The following TRAF3 variants were observed in gnomAD, a reference collection of about 807,000 sequenced individuals.
The protein encoded by TRAF3 is TNF receptor associated factor 3.
Under a neutral mutation model 62.3 loss-of-function variants are expected in TRAF3, and 13 were observed. The observed-to-expected ratio is 0.21, with a 90% CI of 0.14 to 0.33. The LOEUF (loss-of-function observed/expected upper bound fraction) is 0.33. Among genes scored for constraint, TRAF3 ranks in the 10% least tolerant of loss-of-function variants. The pLI, the probability that TRAF3 is intolerant of heterozygous loss-of-function variation, is 1.00. For missense variants in TRAF3, 440 were observed against 741.8 expected (o/e 0.59, Z 4.73); for synonymous variants, 269 against 283.4 (o/e 0.95, Z 0.51).
intron 2 of TRAF3, among the ~76,000 whole-genome samples, chr14:102,850,394 G>A (rs1163879382): frequency 6.6e-6 from 1 of 152,082 alleles, no homozygotes; most frequent in African/African-American, 2.4e-5. Context: ...GCTTAAAGAA[G>A]ACTGCAGAAT....
intron 1 of TRAF3, among the ~76,000 whole-genome samples, chr14:102,801,940 C>T (rs80197081): frequency 2.0e-5 from 3 of 146,922 alleles, no homozygotes; most frequent in Non-Finnish European, 4.5e-5. Flanking sequence ...GGCGTGAACC[C>T]GGGAGGCGGA....
At chr14:102,897,075 G>A (rs1431900307) in intron 9 of TRAF3, among the ~76,000 whole-genome samples, 186 bp from the exon 10 acceptor site, 1 of 151,924 alleles carries the variant, frequency 6.6e-6, no homozygotes, top group African/African-American at 2.4e-5. Flanking sequence ...CCTGTCTCTA[G>A]AGGGGAAAAA....
At chr14:102,856,494 A>G (rs531794406) in intron 2 of TRAF3, among the ~76,000 whole-genome samples, 92 of 152,290 alleles carry the variant, frequency 6.0e-4, no homozygotes, top group African/African-American at 1.9e-3. Flanking sequence ...AATAGTAAGG[A>G]CAACCAGAGG....
intron 1 of TRAF3, among the ~76,000 whole-genome samples, chr14:102,814,530 T>A (rs954008995): frequency 1.3e-5 from 2 of 151,990 alleles, no homozygotes. Flanking sequence ...TTTCTTTTTT[T>A]CCCCCCCAAG....
intron 2 of TRAF3, among the ~76,000 whole-genome samples, chr14:102,852,954 C>G (rs1030788445): frequency 6.6e-6 from 1 of 152,030 alleles, no homozygotes; most frequent in Non-Finnish European, 1.5e-5. Flanking sequence ...AGTGCAGCGG[C>G]ACAATCTCGG....
At chr14:102,896,447 C>T (rs747969704) in intron 9 of TRAF3, among the ~76,000 whole-genome samples, 17 of 152,148 alleles carry the variant, frequency 1.1e-4, no homozygotes, top group South Asian at 2.1e-4. Context: ...ATAACATCCT[C>T]CAGGGACTAG....
At chr14:102,842,164 A>T (rs1196995978) in intron 2 of TRAF3, among the ~76,000 whole-genome samples, 1 of 151,714 alleles carries the variant, frequency 6.6e-6, no homozygotes, top group Non-Finnish European at 1.5e-5. Context: ...GGATCACTTG[A>T]ACCCGGGAGG....
At chr14:102,889,476 C>G in intron 7 of TRAF3, 84 bp from the exon 8 acceptor site, 1 of 1,362,800 alleles carries the variant, frequency 7.3e-7, no homozygotes, top group Non-Finnish European at 1.0e-6. Flanking sequence ...AATAGTACAG[C>G]TCAGATGCTA....
At chr14:102,870,496 C>CGTGA (rs1888277211) in intron 3 of TRAF3, 50 bp downstream of exon 3, 1 of 1,604,042 alleles carries the variant, frequency 6.2e-7, no homozygotes, top group African/African-American at 1.3e-5. Flanking sequence ...AGCCCTCGGC[C>CGTGA]TCACCCTCTC....
chr14:102,846,656 A>AAAAAAAT (rs1314672795), intron 2 of TRAF3, among the ~76,000 whole-genome samples: 12 of 151,054 alleles, frequency 7.9e-5, no homozygotes, highest in African/African-American at 2.9e-4. Flanking sequence ...AAAAAAAAAA[A>AAAAAAAT]AAAAAAAAAA....
At chr14:102,789,509 C>G (rs1442719690) in intron 1 of TRAF3, among the ~76,000 whole-genome samples, 1 of 152,040 alleles carries the variant, frequency 6.6e-6, no homozygotes, top group Non-Finnish European at 1.5e-5. Context: ...GGGTAATGTG[C>G]CGACGTCATA....
intron 1 of TRAF3, among the ~76,000 whole-genome samples, chr14:102,820,132 C>A (rs554334957): frequency 5.9e-5 from 9 of 152,272 alleles, no homozygotes; most frequent in African/African-American, 1.9e-4. Context: ...CTTTCCTTTG[C>A]GAGCGTCCTC....
Position 102,909,672 on chromosome 14 carries a change from C to T in TRAF3, c.*3888C>T, listed in dbSNP as rs967527044. The T allele has an allele frequency of 6.6e-6, 1 of 152,484 alleles. No homozygotes were observed. Among genetic ancestry groups the T allele is most frequent in the Non-Finnish European group, 1.5e-5 (1 of 68,160 alleles). The allele number at this position is 152,484 out of a possible 1,614,324, so 9.4% of individuals were successfully genotyped here. ...CACTGGCTGTGGCAGGAGGCTTCCC[C>T]ATGACCCCGTGTGGCCCAGCTCGGT... On this transcript the variant is annotated 3_prime_UTR_variant, in exon 12 of 12. Coordinates refer to ENST00000392745, the MANE Select transcript of TRAF3 (RefSeq NM_145725.3).
intron 1 of TRAF3, 141 bp downstream of exon 1, chr14:102,777,816 G>GCCCGT (rs1034086723): frequency 2.1e-5 from 3 of 145,592 alleles, no homozygotes; most frequent in African/African-American, 7.4e-5. Context: ...CGCAGGCCCG[G>GCCCGT]CCCGTCCCAG....
rs1890704338 is a variant in TRAF3, at chr14:102,908,537, C to T, written c.*2753C>T. Reference sequence around the variant, plus strand: ...GCTGGCCACCTGGGCCAGCCTGGGGCCATGGTCTCTCTGCAGCTGAGGCCC... The same window carrying T: ...GCTGGCCACCTGGGCCAGCCTGGGGTCATGGTCTCTCTGCAGCTGAGGCCC... On this transcript the variant is annotated 3_prime_UTR_variant, in exon 12 of 12. Coordinates refer to ENST00000392745, the MANE Select transcript of TRAF3 (RefSeq NM_145725.3). 6.6e-6 allele frequency: 1 copy of T among 152,312 alleles called. No homozygotes were observed. Among genetic ancestry groups the T allele is most frequent in the Non-Finnish European group, 1.5e-5 (1 of 68,132 alleles). The allele number at this position is 152,312 out of a possible 1,614,324, so 9.4% of individuals were successfully genotyped here.
At chr14:102,864,490 CTT>C (rs1249576219) in intron 2 of TRAF3, among the ~76,000 whole-genome samples, 1 of 152,052 alleles carries the variant, frequency 6.6e-6, no homozygotes, top group African/African-American at 2.4e-5. Context: ...GAAGGATGGA[CTT>C]TGAGTTCCTT....
rs564530823 is a variant in TRAF3 at position 102,889,919 on chromosome 14, C to T, written c.726+285C>T. On this transcript the variant is annotated intron_variant, in intron 8 of 11. Coordinates refer to ENST00000392745, the MANE Select transcript of TRAF3 (RefSeq NM_145725.3). ...CTAGTAATGCAACAGGTAGACTTGA[C>T]ATTTGGTGGGGTTTTCAGATAGATT... is the stretch of plus-strand genomic sequence containing the variant. Among the ~76,000 whole-genome samples the T allele has an allele frequency of 1.3e-4, 20 of 152,320 alleles. No homozygotes were observed. The South Asian group carries it at 3.9e-3, about 30-fold the overall frequency.
chr14:102,794,560 G>GTC (rs1897969338), intron 1 of TRAF3, among the ~76,000 whole-genome samples: 1 of 152,182 alleles, frequency 6.6e-6, no homozygotes, highest in South Asian at 2.1e-4. Context: ...AAGACACAGA[G>GTC]TCCTCCTATA....
Position 102,875,718 on chromosome 14 carries a change from G to A in TRAF3, c.392G>A (p.Gly131Glu). The change falls in exon 5 of 12, where the codon GGA (glycine) becomes GAA (glutamate). Residue 131 changes from glycine (G) to glutamate (E), a missense_variant. Physicochemically the swap from Gly to Glu is moderately conservative, Grantham distance 98 (BLOSUM62 -2). Transcript: ENST00000392745. ...GGTTGTGCAGAGCAGTTAATGCTGG[G>A]ACATCTGCTGGTGAGTAGCAAAGGG... ...SRGCAEQLML[G>E]HLLVHLKNDC... is the part of the protein sequence containing the mutation. 1.2e-6 allele frequency: 2 copies of A among 1,613,820 alleles called. 1 individual carries two copies. The highest frequency in any genetic ancestry group is 1.7e-6 in the Non-Finnish European group (2 of 1,179,746).
Sources: allele counts gnomAD v4.1 joint callset (sites outside exome capture counted in the v4.1 genomes callset), GRCh38; gene constraint gnomAD v4.1.1; transcripts MANE v1.5; gene names NCBI Gene and HGNC (gene_info 2026-07-23, HGNC 2026-07-21).